Variants in TUFT1 observed in about 807,000 individuals in gnomAD.
TUFT1 encodes tuftelin.
In TUFT1, 43 loss-of-function variants were observed where a neutral mutation model predicts 57.8. The observed-to-expected ratio is 0.74, with a 90% CI of 0.58 to 0.96. TUFT1 has a LOEUF of 0.96. Among genes scored for constraint, TUFT1 ranks in the 40% least tolerant of loss-of-function variants. The pLI is 0.00. For synonymous variants in TUFT1, 166 were observed against 176.7 expected, an observed-to-expected ratio of 0.94 and a Z score of 0.48; for missense variants, 459 against 489.0, an observed-to-expected ratio of 0.94 and a Z score of 0.58.
chr1:151,540,513 G>T, intron 1 of TUFT1, 87 bp downstream of exon 1: 1 of 1,487,328 alleles, frequency 6.7e-7, no homozygotes, highest in South Asian at 1.1e-5. Context: ...CGTGTTGGCT[G>T]ACATCACCTG....
At chr1:151,572,727 G>A (rs1666297047) in intron 7 of TUFT1, among the ~76,000 whole-genome samples, 3 of 152,162 alleles carry the variant, frequency 2.0e-5, no homozygotes, top group Admixed American at 2.0e-4. Context: ...TCTACTGGCT[G>A]CTTGCTGTCA....
chr1:151,553,274 T>C (rs796679918), intron 1 of TUFT1, among the ~76,000 whole-genome samples: 14 of 152,222 alleles, frequency 9.2e-5, no homozygotes, highest in African/African-American at 3.4e-4. Flanking sequence ...CTATTTGTAG[T>C]AGAGATGGGG....
At position 151,552,707 on chromosome 1, in the gene TUFT1, CAAAAAAAAAAA is replaced by C. The variant is rs869244649; in HGVS notation, c.61-9368_61-9358del. Reference sequence around the variant, plus strand: ...CGACAGAGCGAGAGGGACTCTGTCTCAAAAAAAAAAAAAAAAAAAAAAAAAAGGCATACAGA... The same window carrying C: ...CGACAGAGCGAGAGGGACTCTGTCTCAAAAAAAAAAAAAAAGGCATACAGA... On this transcript the variant is annotated intron_variant, in intron 1 of 12. Coordinates refer to ENST00000368849, the MANE Select transcript of TUFT1 (RefSeq NM_020127.3). Among the ~76,000 whole-genome samples, 326 of 53,494 alleles carry C rather than the reference CAAAAAAAAAAA, an allele frequency of 6.1e-3. 4 individuals carry two copies. The highest frequency in any genetic ancestry group is 0.026 in the African/African-American group (295 of 11,512). 35.1% of individuals were successfully genotyped at this position (53,494 alleles called of 152,430 possible).
intron 1 of TUFT1, chr1:151,545,664 G>T (rs891815165): frequency 2.1e-5 from 7 of 333,882 alleles, no homozygotes; most frequent in Non-Finnish European, 3.8e-5. Context: ...TTTGGGCAAG[G>T]TTTGCTCCTC....
At chr1:151,574,436 T>C (rs1558014262) in intron 8 of TUFT1, 38 bp downstream of exon 8, 2 of 1,612,148 alleles carry the variant, frequency 1.2e-6, no homozygotes, top group East Asian at 4.5e-5. Context: ...CCTGGACTCC[T>C]GGGCTGGAAG....
At chr1:151,565,051 C>G (rs1475413562) in intron 5 of TUFT1, 1 of 155,194 alleles carries the variant, frequency 6.4e-6, no homozygotes, top group Non-Finnish European at 1.4e-5. Context: ...GTGCCCTAGC[C>G]TGTTATTAAT....
chr1:151,568,975 G>A (rs1409508723), intron 6 of TUFT1, among the ~76,000 whole-genome samples: 1 of 152,202 alleles, frequency 6.6e-6, no homozygotes, highest in East Asian at 1.9e-4. Flanking sequence ...TTCCTCCAGT[G>A]TCTGGTGCCT....
intron 1 of TUFT1, among the ~76,000 whole-genome samples, chr1:151,550,031 A>G (rs567200136): frequency 3.4e-4 from 51 of 150,352 alleles, no homozygotes; most frequent in African/African-American, 1.2e-3. Context: ...CAAGTTTAGT[A>G]CTTTTTCTTT....
rs540087130 is a variant in TUFT1 at position 151,557,606 on chromosome 1, G to A, written c.61-4485G>A. ...AAGGCCATGCAGCCTCTCAAGTCCC[G>A]AGGCTACGTGAAGGAACAGTTTGCC... On this transcript the variant is annotated intron_variant, in intron 1 of 12. Coordinates refer to ENST00000368849, the MANE Select transcript of TUFT1 (RefSeq NM_020127.3). The A allele has an allele frequency of 3.0e-5, 33 of 1,086,606 alleles. No individual in the cohort carries two copies. In the South Asian group the frequency reaches 3.2e-4, roughly 11 times the overall value. 67.3% of individuals were successfully genotyped at this position (1,086,606 alleles called of 1,614,324 possible).
At chr1:151,551,287 G>A (rs1003166145) in intron 1 of TUFT1, among the ~76,000 whole-genome samples, 4 of 152,136 alleles carry the variant, frequency 2.6e-5, no homozygotes, top group African/African-American at 9.7e-5. Context: ...GTTTCTCAAA[G>A]GGAATTGGGA....
At chr1:151,560,124 C>A (rs965345978) in intron 1 of TUFT1, among the ~76,000 whole-genome samples, 2 of 150,006 alleles carry the variant, frequency 1.3e-5, no homozygotes, top group Non-Finnish European at 3.0e-5. Context: ...AACAAAAAAA[C>A]CCTCAGTTGG....
chr1:151,563,309 A>G (rs1665959033), intron 3 of TUFT1, among the ~76,000 whole-genome samples: 1 of 152,140 alleles, frequency 6.6e-6, no homozygotes, highest in Non-Finnish European at 1.5e-5. Context: ...AGTTTTGGTC[A>G]GTGCATAACA....
chr1:151,557,267 T>C (rs1349360858), intron 1 of TUFT1, among the ~76,000 whole-genome samples: 1 of 152,050 alleles, frequency 6.6e-6, no homozygotes, highest in Non-Finnish European at 1.5e-5. Flanking sequence ...CCCTTTACCT[T>C]CTCCCATTTA....
chr1:151,563,914 A>AG lies in TUFT1; in HGVS notation c.252dup (p.Arg85GlufsTer13). On this transcript the variant is annotated frameshift_variant, in exon 4 of 13. Coordinates refer to ENST00000368849, the MANE Select transcript of TUFT1 (RefSeq NM_020127.3). LOFTEE classifies it high-confidence loss of function. ...GTGTTCTTATTTCAGGTGTACTTGA[A>AG]GGGGAGGTCTGGAGACAAGATGATT... The AG allele has an allele frequency of 6.2e-7, 1 of 1,614,060 alleles. No individual in the cohort carries two copies. The highest frequency in any genetic ancestry group is 8.5e-7 in the Non-Finnish European group (1 of 1,179,970).
chr1:151,562,572 T>A lies in TUFT1; in HGVS notation c.136-13T>A. On this transcript the variant is annotated splice_polypyrimidine_tract_variant and intron_variant, in intron 2 of 12. Transcript: ENST00000368849. ...TCTCTCTCTCTCTCTCTCTCTCATC[T>A]CTCTTTGGCCAGGCGGGCAGGAAGA... The A allele has an allele frequency of 6.2e-7, 1 of 1,609,132 alleles. No homozygotes were observed. The highest frequency in any genetic ancestry group is 8.5e-7 in the Non-Finnish European group (1 of 1,177,946).
intron 7 of TUFT1, 148 bp from the exon 8 acceptor site, chr1:151,574,122 G>T: frequency 1.1e-6 from 1 of 872,460 alleles, no homozygotes; most frequent in African/African-American, 1.7e-5. Context: ...TGCAGTGAAG[G>T]GGAGGTGGTG....
intron 1 of TUFT1, among the ~76,000 whole-genome samples, chr1:151,559,000 G>A (rs987916552): frequency 1.3e-5 from 2 of 152,016 alleles, no homozygotes; most frequent in African/African-American, 2.4e-5. Flanking sequence ...GGCCAGGCTG[G>A]TCTCAAACTC....
chr1:151,573,439 T>G (rs1219460133), intron 7 of TUFT1, among the ~76,000 whole-genome samples: 1 of 152,234 alleles, frequency 6.6e-6, no homozygotes, highest in African/African-American at 2.4e-5. Flanking sequence ...AACATTCTGC[T>G]TCTATCCTCT....
rs895977936 is a variant in TUFT1, at chr1:151,581,952, C to G, written c.*245C>G. On this transcript the variant is annotated 3_prime_UTR_variant, in exon 13 of 13. Transcript: ENST00000368849. ...ATTGTCCTGCAAGCAGGAGCCAGGGCAATATCTATATTCCTACAGTGACTA... is the reference window on the plus strand; with the variant it reads ...ATTGTCCTGCAAGCAGGAGCCAGGGGAATATCTATATTCCTACAGTGACTA... The G allele has an allele frequency of 4.9e-5, 30 of 611,544 alleles. No homozygotes were observed. Among genetic ancestry groups the G allele is most frequent in the Non-Finnish European group, 7.7e-5 (26 of 338,944 alleles). The allele number at this position is 611,544 out of a possible 1,614,324, so 37.9% of individuals were successfully genotyped here.
Sources: allele counts gnomAD v4.1 joint callset (sites outside exome capture counted in the v4.1 genomes callset), GRCh38; gene constraint gnomAD v4.1.1; transcripts MANE v1.5; gene names NCBI Gene and HGNC (gene_info 2026-07-23, HGNC 2026-07-21).